ESR1: variants seen among roughly 807,000 people sequenced by gnomAD.
ESR1 encodes estrogen receptor.
Under a neutral mutation model 52.7 loss-of-function variants are expected in ESR1, and 12 were observed. That is an observed-to-expected ratio of 0.23 (90% CI 0.15 to 0.37). The LOEUF is 0.37. ESR1 is among the 10% of genes least tolerant of loss of function. ESR1 has a pLI of 1.00. For missense variants in ESR1, 584 were observed against 779.7 expected (o/e 0.75, Z 2.99); for synonymous variants, 305 against 316.8 (o/e 0.96, Z 0.39).
chr6:151,739,273 T>G (rs1418301746), intron 2 of ESR1, among the ~76,000 whole-genome samples: 1 of 152,176 alleles, frequency 6.6e-6, no homozygotes, highest in East Asian at 1.9e-4. Flanking sequence ...TGAAAAGCAT[T>G]TAGCAAGGTC....
intron 4 of ESR1, among the ~76,000 whole-genome samples, chr6:151,971,438 A>G (rs1451780227): frequency 6.6e-6 from 1 of 152,078 alleles, no homozygotes; most frequent in African/African-American, 2.4e-5. Context: ...GTGAGAATAT[A>G]TGATGTATGG....
intron 2 of ESR1, among the ~76,000 whole-genome samples, chr6:151,780,552 G>A (rs1301315892): frequency 6.6e-6 from 1 of 152,116 alleles, no homozygotes; most frequent in African/African-American, 2.4e-5. Flanking sequence ...GGTAGCCTGG[G>A]CATGAATATT....
intron 2 of ESR1, among the ~76,000 whole-genome samples, chr6:151,764,689 T>C (rs1784912129): frequency 6.6e-6 from 1 of 152,214 alleles, no homozygotes; most frequent in Non-Finnish European, 1.5e-5. Flanking sequence ...CCAAATTTTC[T>C]ACCATTTTAA....
chr6:151,975,890 G>C (rs2039394470), intron 4 of ESR1, among the ~76,000 whole-genome samples: 1 of 152,150 alleles, frequency 6.6e-6, no homozygotes, highest in Non-Finnish European at 1.5e-5. Context: ...TGGTCATTCT[G>C]AACAATTCCC....
At chr6:151,691,689 C>T (rs1778957229) in intron 1 of ESR1, among the ~76,000 whole-genome samples, 1 of 134,330 alleles carries the variant, frequency 7.4e-6, no homozygotes, top group Non-Finnish European at 1.6e-5. Context: ...GTGGTATATA[C>T]ATATTTTAAT....
chr6:151,724,075 AG>A (rs918881060), intron 2 of ESR1, among the ~76,000 whole-genome samples: 27 of 152,200 alleles, frequency 1.8e-4, no homozygotes, highest in African/African-American at 5.3e-4. Context: ...CTGTGGGGGC[AG>A]GGGCATGAGC....
intron 6 of ESR1, among the ~76,000 whole-genome samples, chr6:152,120,455 T>C (rs2051289532): frequency 6.6e-6 from 1 of 152,118 alleles, no homozygotes; most frequent in East Asian, 1.9e-4. Flanking sequence ...CGGGGGGCGA[T>C]CCATCGTGTT....
At chr6:152,062,126 A>G (rs2047593452) in intron 6 of ESR1, among the ~76,000 whole-genome samples, 1 of 152,238 alleles carries the variant, frequency 6.6e-6, no homozygotes, top group Non-Finnish European at 1.5e-5. Flanking sequence ...GATCACATAC[A>G]TAGAGAATCC....
Position 152,070,136 on chromosome 6 carries a change from A to G in ESR1, c.1369+9012A>G, listed in dbSNP as rs1007576362. The stretch of plus-strand genomic sequence containing the variant: ...ATAAGATAGTGTTGTGATGTATAAG[A>G]TAGTGCAAAAACCTAAGTTAATATC... On this transcript the variant is annotated intron_variant, in intron 6 of 7. Transcript: ENST00000206249. Among the ~76,000 whole-genome samples the G allele has an allele frequency of 8.0e-5, 11 of 137,092 alleles. 1 individual carries two copies. Among genetic ancestry groups the G allele is most frequent in the African/African-American group, 3.6e-4 (11 of 30,732 alleles). 89.9% of individuals were successfully genotyped at this position (137,092 alleles called of 152,430 possible). A position where few individuals can be genotyped will look rare whatever the true frequency, so the allele number is the denominator to read the frequency against.
intron 1 of ESR1, among the ~76,000 whole-genome samples, chr6:151,679,412 C>T (rs992483863): frequency 6.6e-6 from 1 of 152,148 alleles, no homozygotes; most frequent in African/African-American, 2.4e-5. Context: ...TGTGGTGGCG[C>T]AATCTCGGCT....
intron 2 of ESR1, among the ~76,000 whole-genome samples, chr6:151,870,549 C>A (rs148408857): frequency 4.9e-4 from 74 of 152,362 alleles, no homozygotes; most frequent in Non-Finnish European, 8.5e-4. Context: ...TGGATTTAAT[C>A]ATGGCTTTGC....
At chr6:151,846,476 C>G (rs1343439048) in intron 2 of ESR1, among the ~76,000 whole-genome samples, 3 of 152,216 alleles carry the variant, frequency 2.0e-5, no homozygotes, top group Admixed American at 6.5e-5. Flanking sequence ...CACTGCCCCT[C>G]AAACACATTT....
At chr6:151,738,729 G>T (rs1006170375) in intron 2 of ESR1, among the ~76,000 whole-genome samples, 2 of 152,158 alleles carry the variant, frequency 1.3e-5, no homozygotes, top group African/African-American at 4.8e-5. Context: ...TTTTCTGTGG[G>T]TTAGTTACAT....
At chr6:151,719,547 A>G (rs1398619348) in intron 2 of ESR1, among the ~76,000 whole-genome samples, 2 of 152,302 alleles carry the variant, frequency 1.3e-5, no homozygotes, top group East Asian at 3.9e-4. Flanking sequence ...GGAGCCCAGC[A>G]AGGGAGAAAA....
At chr6:151,826,113 G>A (rs1198527246) in intron 1 of ESR1, among the ~76,000 whole-genome samples, 1 of 152,024 alleles carries the variant, frequency 6.6e-6, no homozygotes, top group African/African-American at 2.4e-5. Flanking sequence ...AGTTGGTTGT[G>A]TGGTTTGGCT....
At chr6:151,747,836 A>G (rs1783595930) in intron 2 of ESR1, among the ~76,000 whole-genome samples, 1 of 152,230 alleles carries the variant, frequency 6.6e-6, no homozygotes, top group African/African-American at 2.4e-5. Flanking sequence ...ATTGCCAAAT[A>G]AGACTTCATT....
chr6:151,659,264 C>T (rs982130084), intron 1 of ESR1, among the ~76,000 whole-genome samples: 2 of 152,194 alleles, frequency 1.3e-5, no homozygotes, highest in Non-Finnish European at 1.5e-5. Context: ...CCGCCCACCT[C>T]AGCCTCCCAG....
intron 1 of ESR1, among the ~76,000 whole-genome samples, chr6:151,820,343 G>T (rs1457217771): frequency 6.6e-6 from 1 of 152,180 alleles, no homozygotes; most frequent in Non-Finnish European, 1.5e-5. Flanking sequence ...AAGAATCAGA[G>T]AAATAACTTA....
At chr6:151,745,684 A>G (rs1471913808) in intron 2 of ESR1, among the ~76,000 whole-genome samples, 2 of 152,198 alleles carry the variant, frequency 1.3e-5, no homozygotes, top group African/African-American at 2.4e-5. Context: ...AAACTTTACC[A>G]GAGACTTTTT....
Sources: gnomAD v4.1 joint callset for allele counts (sites outside exome capture counted in the v4.1 genomes callset) on GRCh38, gnomAD v4.1.1 for gene constraint, MANE v1.5 for transcripts, NCBI Gene and HGNC (gene_info 2026-07-23, HGNC 2026-07-21) for gene names.